FHIT: variants seen among roughly 807,000 people sequenced by gnomAD.
The protein encoded by FHIT is fragile histidine triad diadenosine triphosphatase.
A neutral mutation model predicts 17.9 loss-of-function variants in FHIT; 19 were observed. The observed-to-expected ratio is 1.06, with a 90% CI of 0.74 to 1.56. FHIT has a LOEUF of 1.56. FHIT is among the 40% of genes most tolerant of loss of function. The pLI, the probability that FHIT is intolerant of heterozygous loss-of-function variation, is 0.00. For synonymous variants in FHIT, 81 were observed against 69.7 expected (o/e 1.16, Z -0.81); for missense variants, 248 against 189.2 (o/e 1.31, Z -1.82).
At chr3:60,744,098 G>A (rs1260808622) in intron 4 of FHIT, among the ~76,000 whole-genome samples, 1 of 151,932 alleles carries the variant, frequency 6.6e-6, no homozygotes. Context: ...GAGACACAGA[G>A]CGATGCTCTG....
rs116576701 is a variant in FHIT, at chr3:60,542,435, C to T, written c.-17-5456G>A. ...ATACATTAGGATTTCTATTTTCCTA[C>T]ATCCTTACCAGCACTTGATAGTACT... is the stretch of plus-strand genomic sequence containing the variant. On this transcript the variant is annotated intron_variant, in intron 4 of 9. Transcript: ENST00000492590. Among the ~76,000 whole-genome samples the T allele has an allele frequency of 5.9e-3, 893 of 152,326 alleles. 4 individuals are homozygous for T. Among genetic ancestry groups the T allele is most frequent in the Non-Finnish European group, 9.5e-3 (643 of 68,034 alleles).
chr3:61,245,985 G>A (rs554216505), intron 1 of FHIT, among the ~76,000 whole-genome samples: 4 of 152,288 alleles, frequency 2.6e-5, no homozygotes, highest in South Asian at 4.2e-4. Flanking sequence ...AGACCTTGCT[G>A]ATAAAACAGG....
At chr3:60,233,874 G>C (rs972269484) in intron 5 of FHIT, among the ~76,000 whole-genome samples, 1 of 152,150 alleles carries the variant, frequency 6.6e-6, no homozygotes, top group Non-Finnish European at 1.5e-5. Flanking sequence ...CGCCATGTAA[G>C]ATGTGCCTTT....
intron 5 of FHIT, among the ~76,000 whole-genome samples, chr3:60,081,630 C>T (rs573821306): frequency 1.3e-5 from 2 of 152,260 alleles, no homozygotes; most frequent in East Asian, 1.9e-4. Flanking sequence ...ATGCTGCTTA[C>T]TGAATGACAA....
chr3:60,130,924 CATATATGTTTATAT>C (rs1190599375), intron 5 of FHIT, among the ~76,000 whole-genome samples: 60 of 133,882 alleles, frequency 4.5e-4, no homozygotes, highest in African/African-American at 1.5e-3. Flanking sequence ...TGTATACATA[CATATATGTTTATAT>C]ATATACATAT....
intron 5 of FHIT, among the ~76,000 whole-genome samples, chr3:60,296,994 T>C (rs1559798498): frequency 6.6e-6 from 1 of 151,870 alleles, no homozygotes; most frequent in Non-Finnish European, 1.5e-5. Flanking sequence ...CTGTTGCATT[T>C]ATCTATGTGT....
intron 2 of FHIT, among the ~76,000 whole-genome samples, chr3:61,161,466 T>C (rs867601091): frequency 6.6e-6 from 1 of 152,222 alleles, no homozygotes; most frequent in East Asian, 1.9e-4. Flanking sequence ...CCTCCCAAAG[T>C]GCTGGGATTA....
chr3:60,558,045 G>C (rs796651013), intron 4 of FHIT, among the ~76,000 whole-genome samples: 1 of 152,152 alleles, frequency 6.6e-6, no homozygotes, highest in South Asian at 2.1e-4. Context: ...AAGTGATCTT[G>C]TTTAGAAGAC....
chr3:60,289,778 G>A (rs1375044821), intron 5 of FHIT, among the ~76,000 whole-genome samples: 1 of 152,052 alleles, frequency 6.6e-6, no homozygotes, highest in Non-Finnish European at 1.5e-5. Context: ...TCAGAACCGG[G>A]TATTTAGAAG....
intron 4 of FHIT, among the ~76,000 whole-genome samples, chr3:60,577,631 G>A (rs1553658039): frequency 2.0e-5 from 3 of 152,062 alleles, no homozygotes; most frequent in Non-Finnish European, 4.4e-5. Context: ...TTAAAAAATT[G>A]TTTGCACACT....
chr3:61,171,177 T>C (rs1165185747), intron 2 of FHIT, among the ~76,000 whole-genome samples: 1 of 152,190 alleles, frequency 6.6e-6, no homozygotes, highest in Non-Finnish European at 1.5e-5. Flanking sequence ...CTCATTGCGG[T>C]GTTGATTTGC....
chr3:60,435,566 G>A (rs117648780), intron 5 of FHIT, among the ~76,000 whole-genome samples: 1 of 152,034 alleles, frequency 6.6e-6, no homozygotes, highest in African/African-American at 2.4e-5. Context: ...GCACATAAAA[G>A]CTTAGGCCTT....
At chr3:60,055,675 T>C (rs1321560423) in intron 5 of FHIT, among the ~76,000 whole-genome samples, 1 of 152,170 alleles carries the variant, frequency 6.6e-6, no homozygotes, top group Admixed American at 6.5e-5. Context: ...TTCCATTCAA[T>C]CCTGGAAACC....
At chr3:60,998,692 A>G (rs2030846172) in intron 3 of FHIT, among the ~76,000 whole-genome samples, 1 of 152,116 alleles carries the variant, frequency 6.6e-6, no homozygotes, top group Non-Finnish European at 1.5e-5. Flanking sequence ...TTTAGGAACA[A>G]ACTCTCCATA....
chr3:60,512,888 A>T lies in FHIT; in HGVS notation c.103+23972T>A, dbSNP rs148187699. On this transcript the variant is annotated intron_variant, in intron 5 of 9. Transcript: ENST00000492590. ...ATATTTTAAAATATTTAATAACCAA[A>T]TGCAATTTATTAATTTATGAATAAC... Among the ~76,000 whole-genome samples the T allele has an allele frequency of 8.3e-4, 127 of 152,332 alleles. 1 individual carries two copies. The East Asian group carries it at 0.021, about 25-fold the overall frequency.
intron 5 of FHIT, among the ~76,000 whole-genome samples, chr3:60,240,704 G>A (rs1470401996): frequency 6.6e-6 from 1 of 152,120 alleles, no homozygotes; most frequent in African/African-American, 2.4e-5. Context: ...AATTGAGATG[G>A]AAAGGAGGGT....
chr3:61,030,125 A>G (rs1206848290), intron 3 of FHIT, among the ~76,000 whole-genome samples: 1 of 152,132 alleles, frequency 6.6e-6, no homozygotes, highest in African/African-American at 2.4e-5. Context: ...ATGTACCACC[A>G]CGCCTGGCTA....
chr3:61,121,881 G>A (rs977079735), intron 2 of FHIT, among the ~76,000 whole-genome samples: 4 of 152,180 alleles, frequency 2.6e-5, no homozygotes, highest in Admixed American at 6.5e-5. Flanking sequence ...AACGTATGGA[G>A]GAATATTTAC....
chr3:59,803,745 T>G (rs758012420), intron 8 of FHIT, among the ~76,000 whole-genome samples: 2 of 136,192 alleles, frequency 1.5e-5, no homozygotes, highest in Admixed American at 8.3e-5. Flanking sequence ...CAACCAAGCC[T>G]GAACGAAACA....
Sources: allele counts gnomAD v4.1 joint callset (sites outside exome capture counted in the v4.1 genomes callset), GRCh38; gene constraint gnomAD v4.1.1; transcripts MANE v1.5; gene names NCBI Gene and HGNC (gene_info 2026-07-23, HGNC 2026-07-21).